Variants in FBXO30 observed in about 807,000 individuals in gnomAD.
FBXO30 encodes F-box only protein 30.
Under a neutral mutation model 58.1 loss-of-function variants are expected in FBXO30, and 21 were observed. The ratio of observed to expected loss-of-function variants is 0.36; its 90% CI spans 0.26 to 0.52. FBXO30 has a LOEUF of 0.52. FBXO30 is among the 20% of genes least tolerant of loss of function. The probability of loss-of-function intolerance (pLI) is 0.93; values close to 1 mark genes in which losing one functional copy is unlikely to be tolerated. For missense variants in FBXO30, 744 were observed against 897.3 expected (o/e 0.83, Z 2.18); for synonymous variants, 309 against 312.4 (o/e 0.99, Z 0.11).
intron 2 of FBXO30, among the ~76,000 whole-genome samples, chr6:145,801,611 G>A (rs1562558857): frequency 2.0e-5 from 3 of 152,002 alleles, no homozygotes; most frequent in African/African-American, 7.3e-5. Flanking sequence ...TCTCAGGGTG[G>A]CTAGATGTGG....
In FBXO30 at chr6:145,805,367, G is replaced by A. The variant is rs768423485; in HGVS notation, c.1039C>T (p.Pro347Ser). The change falls in exon 2 of 3, where the codon CCT (proline) becomes TCT (serine). Residue 347 changes from proline to serine, a missense_variant. Coordinates refer to ENST00000237281, the MANE Select transcript of FBXO30 (RefSeq NM_032145.5). ...LREIIPSSAL[P>S]NGTVQHILMP... ...AGGATATGCTGAACTGTGCCATTAG[G>A]CAAAGCACTGGATGGTATTATTTCC... 1 of 1,614,024 alleles carries A rather than the reference G, an allele frequency of 6.2e-7. No homozygotes were observed. Among genetic ancestry groups the A allele is most frequent in the South Asian group, 1.1e-5 (1 of 91,086 alleles).
At chr6:145,804,098 G>T (rs182640882) in intron 2 of FBXO30, among the ~76,000 whole-genome samples, 41 of 152,238 alleles carry the variant, frequency 2.7e-4, no homozygotes, top group African/African-American at 8.4e-4. Context: ...AACAAAGAGA[G>T]TTGTTATAGA....
At position 145,804,859 on chromosome 6, in the gene FBXO30, C is replaced by T. The variant is rs772426880; in HGVS notation, c.1547G>A (p.Arg516His). 4.3e-6 allele frequency: 7 copies of T among 1,613,868 alleles called. No individual in the cohort carries two copies. The highest frequency in any genetic ancestry group is 1.3e-5 in the African/African-American group (1 of 75,012). ...TCCACACACAAAGGTAAACATTGAA[C>T]GCTGCTTGGGTTGGTACCTAGCGAC... Reference protein sequence around the residue: ...ECVARYQPKQRSMFTFVCGQL... With the variant: ...ECVARYQPKQHSMFTFVCGQL... Residue 516 changes from arginine (R) to histidine (H), a missense_variant, in exon 2 of 3, where the codon CGT (arginine) becomes CAT (histidine). Around this residue, in one of 3 missense-constraint regions of FBXO30, gnomAD observed 334 missense variants for 433.7 expected, o/e 0.77. Coordinates refer to ENST00000237281, the MANE Select transcript of FBXO30 (RefSeq NM_032145.5).
rs774003792 is a variant in FBXO30, at chr6:145,805,119, T to A, written c.1287A>T (p.Ala429=). The change falls in exon 2 of 3, where the codon GCA becomes GCT. Residue 429 remains alanine, a synonymous_variant. Transcript: ENST00000237281. ...GLQGIDLITA[A]LLFCLGDSPG... ...GAGAATCTCCTAGACAAAAAAGCAA[T>A]GCTGCTGTGATCAGATCTATTCCTT... 1 of 1,614,104 alleles carries A rather than the reference T, an allele frequency of 6.2e-7. No individual in the cohort carries two copies. The highest frequency in any genetic ancestry group is 8.5e-7 in the Non-Finnish European group (1 of 1,179,966).
Position 145,799,509 on chromosome 6 carries a change from G to A in FBXO30, c.*597C>T, listed in dbSNP as rs886238935. On this transcript the variant is annotated 3_prime_UTR_variant, in exon 3 of 3. Coordinates refer to ENST00000237281, the MANE Select transcript of FBXO30 (RefSeq NM_032145.5). Reference sequence around the variant, plus strand: ...TCTGTGTGTTGAGTTGTAAGTATGTGAGATAAAAACATCTTTGTGGATTAT... The same window carrying A: ...TCTGTGTGTTGAGTTGTAAGTATGTAAGATAAAAACATCTTTGTGGATTAT... The A allele has an allele frequency of 6.6e-6, 1 of 152,504 alleles. No individual in the cohort carries two copies. The highest frequency in any genetic ancestry group is 1.5e-5 in the Non-Finnish European group (1 of 68,082). 9.4% of individuals were successfully genotyped at this position (152,504 alleles called of 1,614,324 possible). A position where few individuals can be genotyped will look rare whatever the true frequency, so the allele number is the denominator to read the frequency against.
chr6:145,801,437 T>C (rs1351351375), intron 2 of FBXO30, among the ~76,000 whole-genome samples: 2 of 151,832 alleles, frequency 1.3e-5, no homozygotes, highest in African/African-American at 4.8e-5. Flanking sequence ...GTTTTTTAGC[T>C]CATCAGTTAT....
chr6:145,806,142 C>T lies in FBXO30; in HGVS notation c.264G>A (p.Val88=). 1 of 1,614,120 alleles carries T rather than the reference C, an allele frequency of 6.2e-7. No individual in the cohort carries two copies. The highest frequency in any genetic ancestry group is 8.5e-7 in the Non-Finnish European group (1 of 1,180,004). The part of the protein sequence containing the change: ...EHLEMCPASV[V]CCTMEWNRWP... Reference sequence around the variant, plus strand: ...ATCGATTCCATTCCATAGTACAGCACACCACACTTGCAGGACACATTTCTA... The same window carrying T: ...ATCGATTCCATTCCATAGTACAGCATACCACACTTGCAGGACACATTTCTA... Residue 88 remains valine (V), a synonymous_variant, in exon 2 of 3, where the codon GTG becomes GTA. Coordinates refer to ENST00000237281, the MANE Select transcript of FBXO30 (RefSeq NM_032145.5).
intron 1 of FBXO30, among the ~76,000 whole-genome samples, chr6:145,810,807 T>C (rs2128668094): frequency 6.6e-6 from 1 of 151,938 alleles, no homozygotes; most frequent in African/African-American, 2.4e-5. Context: ...AATATAAGAG[T>C]CATCTAATGT....
In FBXO30 at chr6:145,799,893, A is replaced by G. The variant is rs975008188; in HGVS notation, c.*213T>C. 7 of 396,428 alleles carry G rather than the reference A, an allele frequency of 1.8e-5. No homozygotes were observed. Among genetic ancestry groups the G allele is most frequent in the Admixed American group, 1.7e-4 (4 of 23,106 alleles). The allele number at this position is 396,428 out of a possible 1,614,324, so 24.6% of individuals were successfully genotyped here. ...AGCTAAAAATTAAATCACCCTGTCC[A>G]GCAAGTTCCAAAAATTTCACACATT... is the stretch of plus-strand genomic sequence containing the variant. On this transcript the variant is annotated 3_prime_UTR_variant, in exon 3 of 3. Transcript: ENST00000237281.
In FBXO30 at chr6:145,798,520, T is replaced by C. The variant is rs540804998; in HGVS notation, c.*1586A>G. 1.3e-5 allele frequency: 2 copies of C among 152,624 alleles called. No homozygotes were observed. Among genetic ancestry groups the C allele is most frequent in the Non-Finnish European group, 2.9e-5 (2 of 67,942 alleles). The allele number at this position is 152,624 out of a possible 1,614,324, so 9.5% of individuals were successfully genotyped here. A position where few individuals can be genotyped will look rare whatever the true frequency, so the allele number is the denominator to read the frequency against. Reference sequence around the variant, plus strand: ...TTAATATCTCTTTTCTGTTGTTTTTTCCACAGAAATAGAGACTGTTTATTC... The same window carrying C: ...TTAATATCTCTTTTCTGTTGTTTTTCCCACAGAAATAGAGACTGTTTATTC... On this transcript the variant is annotated 3_prime_UTR_variant, in exon 3 of 3. Transcript: ENST00000237281.
rs1488492019 is a variant in FBXO30 at position 145,799,924 on chromosome 6, C to T, written c.*182G>A. ...TTCCAAAAATTTCACACATTTCAAACATTAAGGCAACTTTTTCCAACTAAA... is the reference window on the plus strand; with the variant it reads ...TTCCAAAAATTTCACACATTTCAAATATTAAGGCAACTTTTTCCAACTAAA... On this transcript the variant is annotated 3_prime_UTR_variant, in exon 3 of 3. Coordinates refer to ENST00000237281, the MANE Select transcript of FBXO30 (RefSeq NM_032145.5). 2.1e-6 allele frequency: 1 copy of T among 471,416 alleles called. No homozygotes were observed. Among genetic ancestry groups the T allele is most frequent in the Non-Finnish European group, 3.7e-6 (1 of 273,586 alleles). 29.2% of individuals were successfully genotyped at this position (471,416 alleles called of 1,614,324 possible).
Position 145,799,314 on chromosome 6 carries a change from C to T in FBXO30, c.*792G>A, listed in dbSNP as rs2128664344. 6.6e-6 allele frequency: 1 copy of T among 152,450 alleles called. No individual in the cohort carries two copies. The highest frequency in any genetic ancestry group is 2.1e-4 in the South Asian group (1 of 4,828). 9.4% of individuals were successfully genotyped at this position (152,450 alleles called of 1,614,324 possible). ...TTCAAACCTAAATGAGGTATATTTT[C>T]TTTTAAAACATTAGATAACTAGCAA... On this transcript the variant is annotated 3_prime_UTR_variant, in exon 3 of 3. Transcript: ENST00000237281.
At position 145,804,629 on chromosome 6, in the gene FBXO30, C is replaced by G; in HGVS notation, c.1777G>C (p.Val593Leu). 6.2e-7 allele frequency: 1 copy of G among 1,613,844 alleles called. No homozygotes were observed. Among genetic ancestry groups the G allele is most frequent in the South Asian group, 1.1e-5 (1 of 91,076 alleles). ...HLRSFGVQPCVSTVLVEPARN... is the reference protein window; with the variant it reads ...HLRSFGVQPCLSTVLVEPARN... ...GCAGGCTCCACTAATACTGTAGATA[C>G]ACATGGCTGAACTCCAAATGACCTC... Residue 593 changes from valine to leucine, a missense_variant, in exon 2 of 3, where the codon GTA (valine) becomes CTA (leucine). Physicochemically the swap from Val to Leu is conservative, Grantham distance 32 (BLOSUM62 1). This residue lies in a region of FBXO30 where 334 missense variants were observed against 433.7 expected (regional missense o/e 0.77). Coordinates refer to ENST00000237281, the MANE Select transcript of FBXO30 (RefSeq NM_032145.5).
At chr6:145,801,271 T>C (rs987256321) in intron 2 of FBXO30, among the ~76,000 whole-genome samples, 3 of 152,134 alleles carry the variant, frequency 2.0e-5, no homozygotes, top group Admixed American at 6.6e-5. Context: ...CACGTTGAAC[T>C]GCAGATGCTT....
In FBXO30 at chr6:145,800,018, G is replaced by A. The variant is rs1178817678; in HGVS notation, c.*88C>T. 1 of 937,104 alleles carries A rather than the reference G, an allele frequency of 1.1e-6. No individual in the cohort carries two copies. Among genetic ancestry groups the A allele is most frequent in the Admixed American group, 2.2e-5 (1 of 45,382 alleles). The allele number at this position is 937,104 out of a possible 1,614,324, so 58.0% of individuals were successfully genotyped here. On this transcript the variant is annotated 3_prime_UTR_variant, in exon 3 of 3. Transcript: ENST00000237281. ...ACAGTGACAATAAATTTAGCTAGTT[G>A]TAATATTTAATACATTAATAAAGTT...
chr6:145,802,923 A>C (rs1204791295), intron 2 of FBXO30, among the ~76,000 whole-genome samples: 1 of 152,074 alleles, frequency 6.6e-6, no homozygotes, highest in African/African-American at 2.4e-5. Context: ...CTGGTTTAGG[A>C]AACTTGGTGA....
intron 2 of FBXO30, among the ~76,000 whole-genome samples, chr6:145,801,651 A>C (rs957157896): frequency 1.3e-5 from 2 of 152,066 alleles, no homozygotes; most frequent in African/African-American, 4.8e-5. Context: ...CTAGCAATAG[A>C]AAGTCCCCAT....
chr6:145,811,999 A>T (rs537793924), intron 1 of FBXO30: 1 of 152,296 alleles, frequency 6.6e-6, no homozygotes, highest in African/African-American at 2.4e-5. Flanking sequence ...TAGGCATCTT[A>T]TCTTACTGTT....
chr6:145,800,898 A>G (rs1484985756), intron 2 of FBXO30, among the ~76,000 whole-genome samples: 1 of 152,180 alleles, frequency 6.6e-6, no homozygotes, highest in African/African-American at 2.4e-5. Flanking sequence ...GAAATTTTAT[A>G]TAAAAATAAT....
Sources: gnomAD v4.1 joint callset for allele counts (sites outside exome capture counted in the v4.1 genomes callset) on GRCh38, gnomAD v4.1.1 for gene constraint, gnomAD v4.1.1 regional missense constraint, MANE v1.5 for transcripts, NCBI Gene and HGNC (gene_info 2026-07-23, HGNC 2026-07-21) for gene names.